Variants in YY1 observed in about 807,000 individuals in gnomAD.
The protein encoded by YY1 is YY1 transcription factor, also known as transcriptional repressor protein YY1.
YY1 carries 2 observed loss-of-function variants against 35.6 expected under a neutral mutation model. The ratio of observed to expected loss-of-function variants is 0.06; its 90% CI spans 0.02 to 0.18. YY1 has a LOEUF of 0.18. YY1 is among the 10% of genes least tolerant of loss of function. The pLI is 1.00. For synonymous variants in YY1, 268 were observed against 238.9 expected (o/e 1.12, Z -1.12); for missense variants, 322 against 573.4 (o/e 0.56, Z 4.48).
At chr14:100,253,809 A>T (rs535228256) in intron 1 of YY1, among the ~76,000 whole-genome samples, 6 of 152,082 alleles carry the variant, frequency 3.9e-5, no homozygotes, top group Non-Finnish European at 7.4e-5. Context: ...TTTAACAAAG[A>T]TTTTTATTAT....
In YY1 at chr14:100,281,742, C is replaced by T. The variant is rs1475310531; in HGVS notation, c.*4142C>T. On this transcript the variant is annotated 3_prime_UTR_variant, in exon 5 of 5. Coordinates refer to ENST00000262238, the MANE Select transcript of YY1 (RefSeq NM_003403.5). The stretch of plus-strand genomic sequence containing the variant: ...TCTCATCCACCCCAAATTACTGACC[C>T]TTGATTTATGTTGTTACTGCTCAGG... 6.6e-6 allele frequency: 1 copy of T among 152,226 alleles called. No homozygotes were observed. The highest frequency in any genetic ancestry group is 6.5e-5 in the Admixed American group (1 of 15,278). The allele number at this position is 152,226 out of a possible 1,614,324, so 9.4% of individuals were successfully genotyped here.
chr14:100,281,020 A>ACTGCACT lies in YY1; in HGVS notation c.*3422_*3428dup, dbSNP rs1291913829. On this transcript the variant is annotated 3_prime_UTR_variant, in exon 5 of 5. Transcript: ENST00000262238. ...GCTTGCAGTGAGCCGAGATCGCACC[A>ACTGCACT]CTGCACTCCAGCCTGGGTGACAGAG... 2.3e-5 allele frequency: 3 copies of ACTGCACT among 128,840 alleles called. No individual in the cohort carries two copies. The highest frequency in any genetic ancestry group is 8.8e-5 in the African/African-American group (3 of 34,010). The allele number at this position is 128,840 out of a possible 1,614,324, so 8.0% of individuals were successfully genotyped here.
At position 100,276,692 on chromosome 14, in the gene YY1, G is replaced by A. The variant is rs1234106358; in HGVS notation, c.1062+44G>A. ...CTTCCCCACACTGCCTTGCCTGTCT[G>A]AACACTGCAAGTGTAGGTGGTGTGG... On this transcript the variant is annotated intron_variant, in intron 4 of 4. Coordinates refer to ENST00000262238, the MANE Select transcript of YY1 (RefSeq NM_003403.5). This position sits in a 1 kb window ranked among gnomAD's most constrained non-coding sequence, Gnocchi z 4.1. 1 of 1,613,318 alleles carries A rather than the reference G, an allele frequency of 6.2e-7. No individual in the cohort carries two copies. Among genetic ancestry groups the A allele is most frequent in the South Asian group, 1.1e-5 (1 of 90,986 alleles).
Position 100,279,874 on chromosome 14 carries a change from G to C in YY1, c.*2274G>C, listed in dbSNP as rs1891388157. On this transcript the variant is annotated 3_prime_UTR_variant, in exon 5 of 5. Coordinates refer to ENST00000262238, the MANE Select transcript of YY1 (RefSeq NM_003403.5). ...GGGAGCCCTGCTGGCAGCCCCGAGA[G>C]CCATGCCATGGCCTGCAGGAGCCAG... 1 of 152,392 alleles carries C rather than the reference G, an allele frequency of 6.6e-6. No homozygotes were observed. The highest frequency in any genetic ancestry group is 2.1e-4 in the South Asian group (1 of 4,828). The allele number at this position is 152,392 out of a possible 1,614,324, so 9.4% of individuals were successfully genotyped here.
At chr14:100,249,748 G>GTTTTTTTTTT (rs57119106) in intron 1 of YY1, among the ~76,000 whole-genome samples, 2 of 141,038 alleles carry the variant, frequency 1.4e-5, no homozygotes, top group African/African-American at 5.3e-5. Context: ...GCTACTTACC[G>GTTTTTTTTTT]TTTTTTTTTT....
At chr14:100,241,564 A>G (rs1398865800) in intron 1 of YY1, among the ~76,000 whole-genome samples, 6 of 152,232 alleles carry the variant, frequency 3.9e-5, no homozygotes, top group African/African-American at 1.4e-4. Flanking sequence ...GTTTGAGTTT[A>G]GCAGAAACTA....
chr14:100,242,517 T>G (rs573587175), intron 1 of YY1, among the ~76,000 whole-genome samples: 1 of 149,314 alleles, frequency 6.7e-6, no homozygotes, highest in Admixed American at 6.8e-5. Flanking sequence ...CCCTCCCGAG[T>G]AGCTGGGACT....
At chr14:100,250,134 C>T (rs951952469) in intron 1 of YY1, among the ~76,000 whole-genome samples, 1 of 152,170 alleles carries the variant, frequency 6.6e-6, no homozygotes, top group African/African-American at 2.4e-5. Context: ...CAGCCAAAAA[C>T]ATAGGGTTTA....
chr14:100,263,447 T>C (rs889874065), intron 2 of YY1, among the ~76,000 whole-genome samples: 4 of 152,350 alleles, frequency 2.6e-5, no homozygotes, highest in African/African-American at 9.6e-5. Flanking sequence ...TTGGGTGTGT[T>C]TGTTTTGCCT....
In YY1 at chr14:100,245,658, G is replaced by A. The variant is rs535473969; in HGVS notation, c.679+5735G>A. The stretch of plus-strand genomic sequence containing the variant: ...GTCTCGCTTTGTTGCCCAGGCTGGA[G>A]TGCAGTGGCGCGATCTCGGCTCACT... On this transcript the variant is annotated intron_variant, in intron 1 of 4. Coordinates refer to ENST00000262238, the MANE Select transcript of YY1 (RefSeq NM_003403.5). 5.9e-5 allele frequency among the ~76,000 whole-genome samples: 9 copies of A among 152,112 alleles called. No individual in the cohort carries two copies. In the South Asian group the frequency reaches 1.9e-3, roughly 32 times the overall value.
rs1891112960 is a variant in YY1 at position 100,263,535 on chromosome 14, G to GA, written c.842+1073dup. 2.0e-5 allele frequency among the ~76,000 whole-genome samples: 3 copies of GA among 152,154 alleles called. No homozygotes were observed. The South Asian group carries it at 6.2e-4, about 32-fold the overall frequency. On this transcript the variant is annotated intron_variant, in intron 2 of 4. Transcript: ENST00000262238. ...TGTTTGGCAGTTTGTACAAGGAGCT[G>GA]AAAATACCACAAAGATGTAAACTTT...
At chr14:100,253,336 T>A in intron 1 of YY1, among the ~76,000 whole-genome samples, 1 of 152,222 alleles carries the variant, frequency 6.6e-6, no homozygotes. Context: ...CACTCTCCTC[T>A]ATGTAGCAAA....
In YY1 at chr14:100,278,507, T is replaced by C. The variant is rs1342426419; in HGVS notation, c.*907T>C. The C allele has an allele frequency of 6.6e-6, 1 of 152,526 alleles. No homozygotes were observed. Among genetic ancestry groups the C allele is most frequent in the Non-Finnish European group, 1.5e-5 (1 of 68,038 alleles). The allele number at this position is 152,526 out of a possible 1,614,324, so 9.4% of individuals were successfully genotyped here. A position where few individuals can be genotyped will look rare whatever the true frequency, so the allele number is the denominator to read the frequency against. On this transcript the variant is annotated 3_prime_UTR_variant, in exon 5 of 5. Transcript: ENST00000262238. ...AACAAGATCTGTAAGCACAGTCTTA[T>C]TTTCTTTTGTTGTCCAGAATACTTA...
rs571482069 is a variant in YY1 at position 100,278,300 on chromosome 14, CT to C, written c.*709del. On this transcript the variant is annotated 3_prime_UTR_variant, in exon 5 of 5. Coordinates refer to ENST00000262238, the MANE Select transcript of YY1 (RefSeq NM_003403.5). ...AATCAATTTAAACCCATTTTAGTCA[CT>C]TTTTTTTTCCAAAAAAATACTGCCA... The C allele has an allele frequency of 0.049, 7,426 of 151,820 alleles. 204 individuals carry two copies. Among genetic ancestry groups the C allele is most frequent in the African/African-American group, 0.061 (2,514 of 41,252 alleles). The allele number at this position is 151,820 out of a possible 1,614,324, so 9.4% of individuals were successfully genotyped here. A position where few individuals can be genotyped will look rare whatever the true frequency, so the allele number is the denominator to read the frequency against.
Position 100,279,938 on chromosome 14 carries a change from G to C in YY1, c.*2338G>C, listed in dbSNP as rs1891389238. 1 of 152,294 alleles carries C rather than the reference G, an allele frequency of 6.6e-6. No individual in the cohort carries two copies. Among genetic ancestry groups the C allele is most frequent in the South Asian group, 2.1e-4 (1 of 4,830 alleles). The allele number at this position is 152,294 out of a possible 1,614,324, so 9.4% of individuals were successfully genotyped here. ...TGAAGTCCCTCTTCCTCTGTGCCTT[G>C]ATCCCTTGGGGGTGCCTTTGGTCAT... On this transcript the variant is annotated 3_prime_UTR_variant, in exon 5 of 5. Coordinates refer to ENST00000262238, the MANE Select transcript of YY1 (RefSeq NM_003403.5).
chr14:100,269,430 GTCA>G (rs971759395), intron 2 of YY1, among the ~76,000 whole-genome samples: 2 of 152,152 alleles, frequency 1.3e-5, no homozygotes, highest in Non-Finnish European at 2.9e-5. Context: ...CTATGCTGTT[GTCA>G]TCATTGTCTC....
chr14:100,271,311 T>TTCATA (rs562116915), intron 2 of YY1, among the ~76,000 whole-genome samples: 131 of 152,258 alleles, frequency 8.6e-4, no homozygotes, highest in African/African-American at 3.1e-3. Flanking sequence ...ATAGAGACCT[T>TTCATA]TCATATCAAT....
chr14:100,258,891 A>G (rs561667782), intron 1 of YY1, among the ~76,000 whole-genome samples: 1 of 152,348 alleles, frequency 6.6e-6, no homozygotes, highest in South Asian at 2.1e-4. Context: ...ACTTGAATCA[A>G]ATGGAACCTA....
intron 2 of YY1, among the ~76,000 whole-genome samples, chr14:100,268,108 C>T (rs530856714): frequency 3.9e-5 from 6 of 152,296 alleles, no homozygotes; most frequent in Non-Finnish European, 7.3e-5. Context: ...CTCCAGTCTT[C>T]GCCCCCAGCA....
Sources: gnomAD v4.1 joint callset for allele counts (sites outside exome capture counted in the v4.1 genomes callset) on GRCh38, gnomAD v4.1.1 for gene constraint, Gnocchi (gnomAD v3.1) non-coding constraint, MANE v1.5 for transcripts, NCBI Gene and HGNC (gene_info 2026-07-23, HGNC 2026-07-21) for gene names.